The following IGFL2 variants were observed in gnomAD, a reference collection of about 807,000 sequenced individuals.
The protein encoded by IGFL2 is IGF like family member 2, also known as insulin growth factor-like family member 2.
Under a neutral mutation model 13.9 loss-of-function variants are expected in IGFL2, and 7 were observed. The observed-to-expected ratio is 0.51, with a 90% CI of 0.29 to 0.95. IGFL2 has a LOEUF of 0.95. Among genes scored for constraint, IGFL2 ranks in the 40% least tolerant of loss-of-function variants. The pLI, the probability that IGFL2 is intolerant of heterozygous loss-of-function variation, is 0.08. For synonymous variants in IGFL2, 55 were observed against 55.8 expected, an observed-to-expected ratio of 0.99 and a Z score of 0.07; for missense variants, 138 against 147.8, an observed-to-expected ratio of 0.93 and a Z score of 0.34.
the IGFL2 span, among the ~76,000 whole-genome samples, chr19:46,091,471 A>C: frequency 6.6e-6 from 1 of 152,242 alleles, no homozygotes; most frequent in Non-Finnish European, 1.5e-5. Context: ...ATCAGTATAC[A>C]AATTATTCTG....
chr19:46,174,865 G>A, the IGFL2 span, among the ~76,000 whole-genome samples: 1 of 152,160 alleles, frequency 6.6e-6, no homozygotes, highest in Non-Finnish European at 1.5e-5. Flanking sequence ...CTTTTAAGAT[G>A]TTTTTGTATT....
At chr19:46,182,556 CT>C in the IGFL2 span, among the ~76,000 whole-genome samples, 1 of 152,172 alleles carries the variant, frequency 6.6e-6, no homozygotes, top group Admixed American at 6.5e-5. Flanking sequence ...AGCTTAAGTC[CT>C]TTTTTGTTAG....
the IGFL2 span, among the ~76,000 whole-genome samples, chr19:46,176,042 A>G: frequency 1.8e-5 from 2 of 112,150 alleles, no homozygotes; most frequent in South Asian, 2.9e-4. Context: ...TTGAGTGGAG[A>G]CGGGGTTTCA....
At chr19:46,202,182 C>G in the IGFL2 span, among the ~76,000 whole-genome samples, 2 of 152,094 alleles carry the variant, frequency 1.3e-5, no homozygotes, top group Admixed American at 6.5e-5. Flanking sequence ...ACATTGGGAG[C>G]AGAGACTAGG....
the IGFL2 span, among the ~76,000 whole-genome samples, chr19:46,081,977 T>G: frequency 2.6e-5 from 4 of 152,268 alleles, no homozygotes; most frequent in Non-Finnish European, 5.9e-5. Context: ...TAGTCTAGTT[T>G]CAGTTAACAC....
chr19:46,117,854 A>G, the IGFL2 span, among the ~76,000 whole-genome samples: 2 of 152,290 alleles, frequency 1.3e-5, no homozygotes, highest in East Asian at 3.9e-4. Context: ...TTCTTCCTGC[A>G]GGAACCAGGG....
chr19:46,161,117 C>T lies in IGFL2; in HGVS notation c.*29C>T. On this transcript the variant is annotated 3_prime_UTR_variant, in exon 4 of 4. Coordinates refer to ENST00000377693, the MANE Select transcript of IGFL2 (RefSeq NM_001135113.2). Reference sequence around the variant, plus strand: ...GACATAGAAAGAAAATCAACTTTCACTAAGGCATCTCAGAAACATAGGCTA... The same window carrying T: ...GACATAGAAAGAAAATCAACTTTCATTAAGGCATCTCAGAAACATAGGCTA... 1 of 1,558,078 alleles carries T rather than the reference C, an allele frequency of 6.4e-7. No individual in the cohort carries two copies. Among genetic ancestry groups the T allele is most frequent in the Non-Finnish European group, 8.8e-7 (1 of 1,140,852 alleles).
At chr19:46,099,364 G>T in the IGFL2 span, among the ~76,000 whole-genome samples, 2 of 152,082 alleles carry the variant, frequency 1.3e-5, no homozygotes, top group Non-Finnish European at 2.9e-5. Context: ...TTGAATGTTG[G>T]CCTCTCTTGC....
chr19:46,148,300 A>C lies in IGFL2; in HGVS notation c.19+3A>C, dbSNP rs751421016. ...CTCCATGGTGCCCAGAATCTTCGGT[A>C]AGGTAACCCTTGCCCCAGGTTGAGC... On this transcript the variant is annotated splice_donor_region_variant and intron_variant, in intron 1 of 3. Transcript: ENST00000377693. 1 of 1,551,188 alleles carries C rather than the reference A, an allele frequency of 6.4e-7. No homozygotes were observed. Among genetic ancestry groups the C allele is most frequent in the Non-Finnish European group, 8.7e-7 (1 of 1,146,686 alleles).
the IGFL2 span, among the ~76,000 whole-genome samples, chr19:46,175,827 C>T: frequency 2.7e-5 from 4 of 147,394 alleles, no homozygotes; most frequent in Admixed American, 1.4e-4. Context: ...AAGCATGAGC[C>T]ACCGTGCCTG....
At chr19:46,101,734 C>T in the IGFL2 span, among the ~76,000 whole-genome samples, 50 of 152,168 alleles carry the variant, frequency 3.3e-4, no homozygotes, top group South Asian at 8.3e-4. Context: ...CCCCAGAACT[C>T]GGTAGTCTTA....
rs546136551 is a variant in IGFL2 at position 46,150,534 on chromosome 19, TATG to T, written c.19+2243_19+2245del. ...AATTGTGTATATTTATGGGGTAAAA[TATG>T]ATGATTTAATGTATGTTTGCCTTGT... On this transcript the variant is annotated intron_variant, in intron 1 of 3. Transcript: ENST00000377693. 2.1e-3 allele frequency among the ~76,000 whole-genome samples: 318 copies of T among 152,298 alleles called. 2 individuals are homozygous for T. Among genetic ancestry groups the T allele is most frequent in the African/African-American group, 6.4e-3 (268 of 41,558 alleles).
chr19:46,132,346 C>A, the IGFL2 span, among the ~76,000 whole-genome samples: 3 of 152,286 alleles, frequency 2.0e-5, no homozygotes, highest in Non-Finnish European at 4.4e-5. Flanking sequence ...TTACAAGAGG[C>A]CAACCAGTGG....
chr19:46,160,076 C>T (rs1267414558), intron 1 of IGFL2: 3 of 319,010 alleles, frequency 9.4e-6, no homozygotes, highest in Non-Finnish European at 1.2e-5. Flanking sequence ...CAGCTTCCTT[C>T]CTCCTTCCTT....
the IGFL2 span, among the ~76,000 whole-genome samples, chr19:46,110,110 A>C: frequency 2.6e-5 from 4 of 152,224 alleles, no homozygotes; most frequent in Non-Finnish European, 4.4e-5. Flanking sequence ...CTTTGAGCAT[A>C]AGCTAGATAA....
the IGFL2 span, chr19:46,119,940 T>C: frequency 8.8e-6 from 2 of 227,536 alleles, no homozygotes; most frequent in African/African-American, 4.7e-5. Context: ...AGAGGGAGTG[T>C]TACAGTCAGT....
At chr19:46,181,766 C>T in the IGFL2 span, among the ~76,000 whole-genome samples, 1 of 152,202 alleles carries the variant, frequency 6.6e-6, no homozygotes, top group African/African-American at 2.4e-5. Flanking sequence ...CTCTGTTTTC[C>T]TTGCTTGGCT....
the IGFL2 span, among the ~76,000 whole-genome samples, chr19:46,115,872 C>T: frequency 6.6e-6 from 1 of 152,104 alleles, no homozygotes; most frequent in African/African-American, 2.4e-5. Flanking sequence ...TGCAGGGCTG[C>T]TGTAGAGAAC....
rs1237184321 is a variant in IGFL2 at position 46,160,802 on chromosome 19, A to G, written c.262A>G (p.Asn88Asp). The change falls in exon 3 of 4, where the codon AAC becomes GAC. Residue 88 changes from asparagine (N) to aspartate (D), a missense_variant. Coordinates refer to ENST00000377693, the MANE Select transcript of IGFL2 (RefSeq NM_001135113.2). ...LCCLDSFGLT[N>D]DFVVKLKVQG... Reference sequence around the variant, plus strand: ...CTGTCTTGATTCCTTTGGCCTCACAAACGATTTTGTTGTGAAGCTGAAGGT... The same window carrying G: ...CTGTCTTGATTCCTTTGGCCTCACAGACGATTTTGTTGTGAAGCTGAAGGT... The G allele has an allele frequency of 1.2e-6, 2 of 1,613,896 alleles. No homozygotes were observed. The highest frequency in any genetic ancestry group is 1.7e-6 in the Non-Finnish European group (2 of 1,179,930).
Sources: allele counts gnomAD v4.1 joint callset (sites outside exome capture counted in the v4.1 genomes callset), GRCh38; gene constraint gnomAD v4.1.1; transcripts MANE v1.5; gene names NCBI Gene and HGNC (gene_info 2026-07-23, HGNC 2026-07-21).